The following HYCC2 variants were observed in gnomAD, a reference collection of about 807,000 sequenced individuals.
HYCC2 encodes hyccin PI4KA lipid kinase complex subunit 2.
the HYCC2 span, among the ~76,000 whole-genome samples, chr2:201,012,337 T>C: frequency 1.3e-5 from 2 of 152,238 alleles, no homozygotes; most frequent in African/African-American, 4.8e-5. Flanking sequence ...ATCGCAGGCC[T>C]GTAGTCCCAG....
the HYCC2 span, among the ~76,000 whole-genome samples, chr2:201,064,541 TG>T: frequency 6.6e-6 from 1 of 152,174 alleles, no homozygotes; most frequent in African/African-American, 2.4e-5. Flanking sequence ...GAAACCTTGG[TG>T]TAGTTGAACT....
the HYCC2 span, among the ~76,000 whole-genome samples, chr2:201,048,455 G>T: frequency 1.3e-5 from 2 of 149,662 alleles, no homozygotes; most frequent in Admixed American, 6.7e-5. Flanking sequence ...ACACAAATTT[G>T]TAAACTTTCT....
chr2:201,025,893 C>A, the HYCC2 span, among the ~76,000 whole-genome samples: 1 of 152,056 alleles, frequency 6.6e-6, no homozygotes, highest in South Asian at 2.1e-4. Flanking sequence ...AGATTCCCAT[C>A]TCTACAAAAA....
the HYCC2 span, chr2:200,981,263 G>A: frequency 6.2e-7 from 1 of 1,610,314 alleles, no homozygotes; most frequent in Non-Finnish European, 8.5e-7. The surrounding 1 kb of genome is among the most constrained non-coding windows in gnomAD (Gnocchi z 4.5). Context: ...GAGGGAGGAT[G>A]TCAAAACTAC....
chr2:200,981,473 G>C, the HYCC2 span: 1 of 1,614,138 alleles, frequency 6.2e-7, no homozygotes, highest in Non-Finnish European at 8.5e-7. The surrounding 1 kb of genome is among the most constrained non-coding windows in gnomAD (Gnocchi z 4.5). Context: ...GTACTTGCTT[G>C]ACTGCCATTT....
chr2:201,046,263 TCTAC>T, the HYCC2 span, among the ~76,000 whole-genome samples: 4 of 152,184 alleles, frequency 2.6e-5, no homozygotes, highest in Non-Finnish European at 4.4e-5. Context: ...TACATTATGC[TCTAC>T]CTTTCTTTGA....
chr2:200,996,879 A>G, the HYCC2 span: 8 of 152,278 alleles, frequency 5.3e-5, no homozygotes, highest in Non-Finnish European at 8.8e-5. Flanking sequence ...CCAGGGAATA[A>G]GATATATCAC....
chr2:201,062,990 C>A, the HYCC2 span: 1 of 1,413,988 alleles, frequency 7.1e-7, no homozygotes, highest in Admixed American at 1.8e-5. Context: ...TAGCAGCTAA[C>A]ATTTATTATG....
chr2:201,051,927 G>T, the HYCC2 span, among the ~76,000 whole-genome samples: 1 of 152,182 alleles, frequency 6.6e-6, no homozygotes, highest in Non-Finnish European at 1.5e-5. Context: ...GGAGAAAAGT[G>T]TGAGGAGAGA....
the HYCC2 span, chr2:201,011,498 A>G: frequency 8.5e-7 from 1 of 1,170,062 alleles, no homozygotes. Context: ...ATACAAAGAT[A>G]ATGAAATAAT....
the HYCC2 span, chr2:201,045,381 T>C: frequency 1.3e-5 from 5 of 393,876 alleles, no homozygotes; most frequent in African/African-American, 2.1e-5. Flanking sequence ...TTATGTTAGG[T>C]AAAACTGCTC....
chr2:201,029,415 G>A, the HYCC2 span, among the ~76,000 whole-genome samples: 40 of 152,248 alleles, frequency 2.6e-4, no homozygotes, highest in Non-Finnish European at 3.8e-4. Flanking sequence ...TTGACCCAGC[G>A]ATTCTATTAC....
At chr2:201,052,925 A>G in the HYCC2 span, among the ~76,000 whole-genome samples, 1 of 152,196 alleles carries the variant, frequency 6.6e-6, no homozygotes, top group Admixed American at 6.5e-5. Flanking sequence ...TGTGTGAGGA[A>G]ACTACCAGAA....
At chr2:201,046,020 T>C in the HYCC2 span, among the ~76,000 whole-genome samples, 1 of 152,130 alleles carries the variant, frequency 6.6e-6, no homozygotes, top group African/African-American at 2.4e-5. Context: ...ATTAAAATCG[T>C]AATATGCAGT....
the HYCC2 span, among the ~76,000 whole-genome samples, chr2:201,045,976 C>T: frequency 6.6e-6 from 1 of 152,134 alleles, no homozygotes; most frequent in Non-Finnish European, 1.5e-5. Flanking sequence ...CATACACAGA[C>T]ACACAAACAC....
the HYCC2 span, among the ~76,000 whole-genome samples, chr2:201,034,435 TTTTTTTTG>T: frequency 6.6e-6 from 1 of 151,940 alleles, no homozygotes; most frequent in Admixed American, 6.6e-5. Flanking sequence ...CAACCCCTGC[TTTTTTTTG>T]TTTTCCATTT....
the HYCC2 span, among the ~76,000 whole-genome samples, chr2:201,015,384 T>TCTC: frequency 3.3e-5 from 5 of 152,076 alleles, no homozygotes; most frequent in African/African-American, 1.2e-4. Flanking sequence ...GTTTATGGTT[T>TCTC]TTCTCCCCCT....
At chr2:201,020,529 A>C in the HYCC2 span, among the ~76,000 whole-genome samples, 1 of 152,170 alleles carries the variant, frequency 6.6e-6, no homozygotes, top group African/African-American at 2.4e-5. Flanking sequence ...TAGAGAATAG[A>C]ATATGGTTGT....
At chr2:201,063,626 G>A in the HYCC2 span, 21 of 1,579,824 alleles carry the variant, frequency 1.3e-5, no homozygotes, top group Admixed American at 1.7e-5. Context: ...AGTTAGAAAA[G>A]CCCTGTCAAA....
Sources: allele counts gnomAD v4.1 joint callset (sites outside exome capture counted in the v4.1 genomes callset), GRCh38; gene constraint gnomAD v4.1.1; non-coding constraint Gnocchi (gnomAD v3.1); transcripts MANE v1.5; gene names NCBI Gene and HGNC (gene_info 2026-07-23, HGNC 2026-07-21).